Variants in TBC1D8 observed in about 807,000 individuals in gnomAD.
The protein encoded by TBC1D8 is BUB2-like protein 1.
A neutral mutation model predicts 118.8 loss-of-function variants in TBC1D8; 65 were observed. The observed-to-expected ratio is 0.55, with a 90% CI of 0.45 to 0.67. TBC1D8 has a LOEUF of 0.67. Among genes scored for constraint, TBC1D8 ranks in the 30% least tolerant of loss-of-function variants. The pLI is 0.00. For synonymous variants in TBC1D8, 566 were observed against 595.8 expected (o/e 0.95, Z 0.73); for missense variants, 1,376 against 1,471.2 (o/e 0.94, Z 1.06).
rs575729579 is a variant in TBC1D8 at position 101,091,805 on chromosome 2, A to G, written c.128-1441T>C. 3.9e-5 allele frequency among the ~76,000 whole-genome samples: 6 copies of G among 152,306 alleles called. No homozygotes were observed. The South Asian group carries it at 1.2e-3, about 32-fold the overall frequency. On this transcript the variant is annotated intron_variant, in intron 1 of 19. Coordinates refer to ENST00000409318, the MANE Select transcript of TBC1D8 (RefSeq NM_001330348.2). ...GCTGAGAAGATTAGGTCTTCAATTTACTTCACATATTACCCTTAACTAATA... is the reference window on the plus strand; with the variant it reads ...GCTGAGAAGATTAGGTCTTCAATTTGCTTCACATATTACCCTTAACTAATA...
At chr2:101,058,154 G>A (rs796508876) in intron 3 of TBC1D8, among the ~76,000 whole-genome samples, 25 of 152,278 alleles carry the variant, frequency 1.6e-4, no homozygotes, top group African/African-American at 6.0e-4. Context: ...CAGGATGAGG[G>A]CTGACCCGAG....
In TBC1D8 at chr2:101,096,458, C is replaced by T. The variant is rs747372889; in HGVS notation, c.128-6094G>A. 8.1e-5 allele frequency among the ~76,000 whole-genome samples: 11 copies of T among 135,320 alleles called. No homozygotes were observed. In the South Asian group the frequency reaches 1.7e-3, roughly 21 times the overall value. 88.8% of individuals were successfully genotyped at this position (135,320 alleles called of 152,430 possible). A position where few individuals can be genotyped will look rare whatever the true frequency, so the allele number is the denominator to read the frequency against. The stretch of plus-strand genomic sequence containing the variant: ...AAAAAAAAAAAAAAACTATAATGCA[C>T]GCTACAACAAAGTCTGAAGAGGTAA... On this transcript the variant is annotated intron_variant, in intron 1 of 19. Coordinates refer to ENST00000409318, the MANE Select transcript of TBC1D8 (RefSeq NM_001330348.2).
chr2:101,054,459 C>G, intron 3 of TBC1D8, 123 bp from the exon 4 acceptor site: 2 of 932,424 alleles, frequency 2.1e-6, no homozygotes, highest in South Asian at 1.6e-5. Context: ...GCTGCTTCAA[C>G]GACAGACACA....
chr2:101,094,696 C>G (rs1353199674), intron 1 of TBC1D8, among the ~76,000 whole-genome samples: 2 of 152,132 alleles, frequency 1.3e-5, no homozygotes, highest in Non-Finnish European at 2.9e-5. Flanking sequence ...CAAGACCAAC[C>G]CAGCCCCTTC....
chr2:101,011,027 C>T lies in TBC1D8; in HGVS notation c.2918-1G>A, dbSNP rs1337407397. 3 of 1,611,070 alleles carry T rather than the reference C, an allele frequency of 1.9e-6. No individual in the cohort carries two copies. The highest frequency in any genetic ancestry group is 2.5e-6 in the Non-Finnish European group (3 of 1,179,436). On this transcript the variant is annotated splice_acceptor_variant, in intron 18 of 19. Transcript: ENST00000409318. LOFTEE classifies it high-confidence loss of function. The stretch of plus-strand genomic sequence containing the variant: ...TGTTTCTGATAATCAACTGCATCAC[C>T]TTGAAACAAAGGAAAACAATATGTG...
chr2:101,029,305 T>C (rs758836828), intron 12 of TBC1D8, among the ~76,000 whole-genome samples, 186 bp downstream of exon 12: 1 of 151,938 alleles, frequency 6.6e-6, no homozygotes, highest in African/African-American at 2.4e-5. Context: ...AGGAGAATCA[T>C]TTGAAGCTGG....
At chr2:101,008,427 A>G (rs1079259) in intron 19 of TBC1D8, among the ~76,000 whole-genome samples, 154 bp from the exon 20 acceptor site, 14,176 of 152,156 alleles carry the variant, frequency 0.093, 893 homozygotes, top group Non-Finnish European at 0.14. Context: ...ACTCTAAACT[A>G]TTAACAGTGG....
chr2:101,012,623 TAC>T (rs1203973285), intron 17 of TBC1D8, among the ~76,000 whole-genome samples: 2 of 130,000 alleles, frequency 1.5e-5, no homozygotes, highest in Admixed American at 7.8e-5. Flanking sequence ...ACTCTGAATA[TAC>T]AAAAAAAAAA....
chr2:101,045,309 C>T (rs559050261), intron 5 of TBC1D8, among the ~76,000 whole-genome samples: 7 of 152,320 alleles, frequency 4.6e-5, no homozygotes, highest in East Asian at 3.9e-4. Context: ...CTCCTACTTT[C>T]GGTAAAGATG....
intron 4 of TBC1D8, among the ~76,000 whole-genome samples, chr2:101,051,841 A>G (rs1319029818): frequency 3.9e-5 from 6 of 152,206 alleles, no homozygotes; most frequent in Non-Finnish European, 8.8e-5. Flanking sequence ...AGAAAAGGAA[A>G]CATTTATATG....
At chr2:101,029,405 A>AC in intron 12 of TBC1D8, 86 bp downstream of exon 12, 3 of 1,466,514 alleles carry the variant, frequency 2.0e-6, no homozygotes, top group Non-Finnish European at 2.7e-6. Context: ...AAAAAAAAAA[A>AC]AAAACTTCCC....
At chr2:101,142,788 C>T (rs893710260) in intron 1 of TBC1D8, among the ~76,000 whole-genome samples, 1 of 152,056 alleles carries the variant, frequency 6.6e-6, no homozygotes, top group African/African-American at 2.4e-5. Context: ...TCAGTATTAA[C>T]ACATAATCCA....
intron 2 of TBC1D8, among the ~76,000 whole-genome samples, chr2:101,076,851 G>T (rs1218382771): frequency 6.6e-6 from 1 of 152,132 alleles, no homozygotes; most frequent in Non-Finnish European, 1.5e-5. Flanking sequence ...GTATTAGTCT[G>T]TTCCCACATT....
At chr2:101,142,119 CT>C in intron 1 of TBC1D8, among the ~76,000 whole-genome samples, 1 of 152,264 alleles carries the variant, frequency 6.6e-6, no homozygotes, top group South Asian at 2.1e-4. Context: ...CCAGGCTGGA[CT>C]TAAACTCCTA....
At chr2:101,139,767 C>T (rs1191162123) in intron 1 of TBC1D8, among the ~76,000 whole-genome samples, 1 of 152,236 alleles carries the variant, frequency 6.6e-6, no homozygotes, top group African/African-American at 2.4e-5. Flanking sequence ...GCACACCATG[C>T]AGGTCTCAGT....
At chr2:101,149,890 A>G (rs779181903) in intron 1 of TBC1D8, among the ~76,000 whole-genome samples, 22 of 152,068 alleles carry the variant, frequency 1.4e-4, no homozygotes, top group Non-Finnish European at 2.9e-4. Flanking sequence ...CCTTGTTGCC[A>G]CTCAACAGGA....
Position 101,028,107 on chromosome 2 carries a change from G to A in TBC1D8, c.2392C>T (p.Arg798Cys), listed in dbSNP as rs761342486. ...AGGACCCTGATCCTGTGCTTGTAAC[G>A]TAGGTGCTCGATCTGCTCCACAGAC... ...DQSVEQIEHL[R>C]YKHRIRVLQG... The change falls in exon 14 of 20, where the codon CGT (arginine) becomes TGT (cysteine). Residue 798 changes from arginine (R) to cysteine (C), a missense_variant. Physicochemically the swap from Arg to Cys is radical, Grantham distance 180. Transcript: ENST00000409318. 5 of 1,613,920 alleles carry A rather than the reference G, an allele frequency of 3.1e-6. No homozygotes were observed. Among genetic ancestry groups the A allele is most frequent in the East Asian group, 4.5e-5 (2 of 44,868 alleles).
chr2:101,106,202 C>T (rs1677202200), intron 1 of TBC1D8, among the ~76,000 whole-genome samples: 1 of 152,078 alleles, frequency 6.6e-6, no homozygotes, highest in Admixed American at 6.5e-5. Context: ...AGACAAGTGG[C>T]TGCTAGAGGG....
intron 1 of TBC1D8, among the ~76,000 whole-genome samples, chr2:101,140,953 G>T (rs2104278077): frequency 6.6e-6 from 1 of 151,922 alleles, no homozygotes; most frequent in Non-Finnish European, 1.5e-5. Context: ...GTAAAGACGG[G>T]GTTTCACCAC....
Sources: allele counts gnomAD v4.1 joint callset (sites outside exome capture counted in the v4.1 genomes callset), GRCh38; gene constraint gnomAD v4.1.1; transcripts MANE v1.5; gene names NCBI Gene and HGNC (gene_info 2026-07-23, HGNC 2026-07-21).